Variants in NMNAT2 observed in about 807,000 individuals in gnomAD.
The protein encoded by NMNAT2 is nicotinamide nucleotide adenylyltransferase 2.
NMNAT2 carries 11 observed loss-of-function variants against 41.6 expected under a neutral mutation model. That is an observed-to-expected ratio of 0.26 (90% CI 0.17 to 0.44). The LOEUF (loss-of-function observed/expected upper bound fraction) is 0.44, where lower values mean the gene tolerates loss of function less well. NMNAT2 is among the 20% of genes least tolerant of loss of function. NMNAT2 has a pLI of 1.00. For missense variants in NMNAT2, 288 were observed against 407.7 expected (o/e 0.71, Z 2.53); for synonymous variants, 148 against 151.2 (o/e 0.98, Z 0.16).
chr1:183,317,296 T>C (rs1203902958), intron 1 of NMNAT2, among the ~76,000 whole-genome samples: 2 of 152,200 alleles, frequency 1.3e-5, no homozygotes, highest in Non-Finnish European at 2.9e-5. Context: ...CTTTTTCCTT[T>C]TTTGAGACAG....
At chr1:183,379,972 T>G (rs1397503877) in intron 1 of NMNAT2, among the ~76,000 whole-genome samples, 1 of 152,250 alleles carries the variant, frequency 6.6e-6, no homozygotes, top group East Asian at 1.9e-4. Context: ...CATGGAACTG[T>G]TTTCTTAATT....
rs774728571 is a variant in NMNAT2 at position 183,290,142 on chromosome 1, G to A, written c.307C>T (p.Arg103Trp). Residue 103 changes from arginine (R) to tryptophan (W), a missense_variant, in exon 4 of 11, where the codon CGG becomes TGG. This residue lies in a region of NMNAT2 where 100 missense variants were observed against 168.5 expected (regional missense o/e 0.59). Coordinates refer to ENST00000287713, the MANE Select transcript of NMNAT2 (RefSeq NM_015039.4). ...GCCCAGCTCACCTTCATGAGGTCCC[G>A]GTGGTGTTCCAACACGCTGCAGGTC... is the stretch of plus-strand genomic sequence containing the variant. ...QTTCSVLEHHRDLMKRVTGCI... is the reference protein window; with the variant it reads ...QTTCSVLEHHWDLMKRVTGCI... 1.3e-6 allele frequency: 2 copies of A among 1,581,214 alleles called. No individual in the cohort carries two copies. Among genetic ancestry groups the A allele is most frequent in the Non-Finnish European group, 1.7e-6 (2 of 1,162,356 alleles).
rs963510431 is a variant in NMNAT2, at chr1:183,334,742, T to C, written c.86-40949A>G. 5.3e-5 allele frequency among the ~76,000 whole-genome samples: 8 copies of C among 151,968 alleles called. No homozygotes were observed. In the East Asian group the frequency reaches 1.6e-3, roughly 29 times the overall value. ...CCAGGCTGGTCTCGAACTCCTGACCTCAAGTGATCCGCCCATCTCAGCCTC... is the reference window on the plus strand; with the variant it reads ...CCAGGCTGGTCTCGAACTCCTGACCCCAAGTGATCCGCCCATCTCAGCCTC... On this transcript the variant is annotated intron_variant, in intron 1 of 10. Coordinates refer to ENST00000287713, the MANE Select transcript of NMNAT2 (RefSeq NM_015039.4).
chr1:183,417,040 C>A (rs1649274942), intron 1 of NMNAT2, among the ~76,000 whole-genome samples: 1 of 152,194 alleles, frequency 6.6e-6, no homozygotes, highest in African/African-American at 2.4e-5. Context: ...TCGCTTCTCT[C>A]AGTTTCAAGA....
chr1:183,388,017 G>A (rs1350860151), intron 1 of NMNAT2, among the ~76,000 whole-genome samples: 2 of 152,186 alleles, frequency 1.3e-5, no homozygotes, highest in Non-Finnish European at 2.9e-5. Flanking sequence ...TATGTGCCAG[G>A]CACTCTTCTA....
intron 7 of NMNAT2, among the ~76,000 whole-genome samples, chr1:183,280,863 G>A (rs1337223246): frequency 8.1e-6 from 1 of 123,818 alleles, no homozygotes; most frequent in Non-Finnish European, 1.6e-5. Context: ...CCGGCTCACC[G>A]CAACCTCCGC....
At chr1:183,341,041 C>T (rs595164) in intron 1 of NMNAT2, among the ~76,000 whole-genome samples, 1 of 152,108 alleles carries the variant, frequency 6.6e-6, no homozygotes, top group Non-Finnish European at 1.5e-5. Context: ...GTTCTGACAG[C>T]CTGGGCGACT....
chr1:183,369,879 A>G (rs1663494159), intron 1 of NMNAT2, among the ~76,000 whole-genome samples: 1 of 152,074 alleles, frequency 6.6e-6, no homozygotes, highest in African/African-American at 2.4e-5. Context: ...TCTTCTTATT[A>G]TCCCCATTGC....
In NMNAT2 at chr1:183,293,666, C is replaced by T. The variant is rs773182092; in HGVS notation, c.174+39G>A. 7.0e-5 allele frequency: 100 copies of T among 1,430,856 alleles called. No homozygotes were observed. The East Asian group carries it at 8.6e-4, about 12-fold the overall frequency. 88.6% of individuals were successfully genotyped at this position (1,430,856 alleles called of 1,614,324 possible). ...AACTATCAGGCCAGGGATGGGGGGA[C>T]GGGGATTGAAGAGGAGAGGGGCACA... On this transcript the variant is annotated intron_variant, in intron 2 of 10. Coordinates refer to ENST00000287713, the MANE Select transcript of NMNAT2 (RefSeq NM_015039.4).
chr1:183,361,693 A>G (rs1031851526), intron 1 of NMNAT2, among the ~76,000 whole-genome samples: 4 of 152,178 alleles, frequency 2.6e-5, no homozygotes, highest in Admixed American at 2.6e-4. Flanking sequence ...TTTGAGATAC[A>G]CTAATATTAC....
At chr1:183,311,520 G>C (rs1662118054) in intron 1 of NMNAT2, among the ~76,000 whole-genome samples, 1 of 152,074 alleles carries the variant, frequency 6.6e-6, no homozygotes, top group African/African-American at 2.4e-5. Flanking sequence ...GGTGGGGATG[G>C]ACAAAGAGGC....
chr1:183,398,234 A>G (rs1235433742), intron 1 of NMNAT2, among the ~76,000 whole-genome samples: 1 of 152,154 alleles, frequency 6.6e-6, no homozygotes, highest in Non-Finnish European at 1.5e-5. Flanking sequence ...AGCAAATGGA[A>G]AACAAAAAAA....
At chr1:183,409,105 A>G (rs1376227991) in intron 1 of NMNAT2, among the ~76,000 whole-genome samples, 1 of 152,156 alleles carries the variant, frequency 6.6e-6, no homozygotes, top group African/African-American at 2.4e-5. Flanking sequence ...TTGTAATCCT[A>G]GCACTTTGGG....
chr1:183,366,022 A>G lies in NMNAT2; in HGVS notation c.85+52161T>C, dbSNP rs146725575. The stretch of plus-strand genomic sequence containing the variant: ...CCTCTTATTTCTTTGGATCATGTAT[A>G]TCAGATTCCATTCTCTCTGGTATAC... On this transcript the variant is annotated intron_variant, in intron 1 of 10. Transcript: ENST00000287713. Among the ~76,000 whole-genome samples the G allele has an allele frequency of 3.8e-4, 58 of 152,304 alleles. 2 individuals are homozygous for G. The East Asian group carries it at 0.01, about 27-fold the overall frequency.
intron 1 of NMNAT2, among the ~76,000 whole-genome samples, chr1:183,370,307 A>G (rs1663507584): frequency 6.7e-6 from 1 of 150,318 alleles, no homozygotes; most frequent in African/African-American, 2.5e-5. Context: ...GAGTTCTGGT[A>G]CCAGACAGAC....
intron 8 of NMNAT2, among the ~76,000 whole-genome samples, chr1:183,277,878 A>G (rs993459553): frequency 7.2e-5 from 11 of 152,342 alleles, no homozygotes; most frequent in South Asian, 2.1e-4. Context: ...TGGGAATTCA[A>G]TGTGCATAGA....
chr1:183,395,144 A>G (rs368701320), intron 1 of NMNAT2, among the ~76,000 whole-genome samples: 1 of 152,160 alleles, frequency 6.6e-6, no homozygotes, highest in Non-Finnish European at 1.5e-5. Context: ...TCTGGACTAG[A>G]CAATGTGCTA....
chr1:183,360,827 A>T (rs1557889238), intron 1 of NMNAT2, among the ~76,000 whole-genome samples: 1 of 152,242 alleles, frequency 6.6e-6, no homozygotes, highest in Non-Finnish European at 1.5e-5. Context: ...TTCCCCAAGC[A>T]CAAGTGTTCT....
At chr1:183,406,442 C>A (rs1648956053) in intron 1 of NMNAT2, among the ~76,000 whole-genome samples, 1 of 152,126 alleles carries the variant, frequency 6.6e-6, no homozygotes. Context: ...AGCCCACTGT[C>A]AGCTCGATAG....
Sources: gnomAD v4.1 joint callset for allele counts (sites outside exome capture counted in the v4.1 genomes callset) on GRCh38, gnomAD v4.1.1 for gene constraint, gnomAD v4.1.1 regional missense constraint, MANE v1.5 for transcripts, NCBI Gene and HGNC (gene_info 2026-07-23, HGNC 2026-07-21) for gene names.